Variants in ADAMTSL1 observed in about 807,000 individuals in gnomAD.
ADAMTSL1 encodes the protein ADAMTS like 1, also known as ADAMTS-like protein 1.
ADAMTSL1 carries 126 observed loss-of-function variants against 201.8 expected under a neutral mutation model. The ratio of observed to expected loss-of-function variants is 0.62; its 90% CI spans 0.54 to 0.72. The LOEUF is 0.72. ADAMTSL1 is among the 30% of genes least tolerant of loss of function. ADAMTSL1 has a pLI of 0.00. For synonymous variants in ADAMTSL1, 1,121 were observed against 903.4 expected, an observed-to-expected ratio of 1.24 and a Z score of -4.32; for missense variants, 2,679 against 2,277.8, an observed-to-expected ratio of 1.18 and a Z score of -3.59.
chr9:18,678,901 T>C (rs1252201879), intron 10 of ADAMTSL1, among the ~76,000 whole-genome samples: 1 of 152,174 alleles, frequency 6.6e-6, no homozygotes, highest in Admixed American at 6.5e-5. Context: ...TACTTCATTC[T>C]CTTGAAAGAG....
intron 16 of ADAMTSL1, 134 bp from the exon 17 acceptor site, chr9:18,770,468 C>T (rs1820625184): frequency 8.8e-6 from 8 of 908,306 alleles, no homozygotes; most frequent in South Asian, 2.0e-5. Context: ...TCCTTTGGGC[C>T]GATTCCTGGT....
intron 2 of ADAMTSL1, among the ~76,000 whole-genome samples, chr9:18,268,411 A>C (rs994563817): frequency 6.6e-6 from 1 of 152,198 alleles, no homozygotes; most frequent in Non-Finnish European, 1.5e-5. Flanking sequence ...GCTGCACAAA[A>C]ATACACATGA....
chr9:18,183,416 TA>T (rs1462235398), intron 2 of ADAMTSL1, among the ~76,000 whole-genome samples: 11 of 152,158 alleles, frequency 7.2e-5, no homozygotes, highest in African/African-American at 2.7e-4. Context: ...TTGTAAAAGA[TA>T]ATGTCAAGAT....
chr9:18,638,807 G>A (rs939220702), intron 6 of ADAMTSL1, among the ~76,000 whole-genome samples: 6 of 152,194 alleles, frequency 3.9e-5, no homozygotes, highest in Non-Finnish European at 2.9e-5. Flanking sequence ...GCTAATGCAC[G>A]AATATAAAGT....
chr9:18,527,660 A>C (rs183408568), intron 2 of ADAMTSL1, among the ~76,000 whole-genome samples: 128 of 152,308 alleles, frequency 8.4e-4, no homozygotes, highest in African/African-American at 2.9e-3. Context: ...ATGGTGTATT[A>C]TGCGTTAATG....
At position 18,579,553 on chromosome 9, in the gene ADAMTSL1, T is replaced by G. The variant is rs550887676; in HGVS notation, c.474+5287T>G. 7.2e-5 allele frequency among the ~76,000 whole-genome samples: 11 copies of G among 152,262 alleles called. No homozygotes were observed. In the East Asian group the frequency reaches 1.9e-3, roughly 27 times the overall value. On this transcript the variant is annotated intron_variant, in intron 4 of 28. Coordinates refer to ENST00000380548, the MANE Select transcript of ADAMTSL1 (RefSeq NM_001040272.6). Reference sequence around the variant, plus strand: ...TTACTATGAGCTTGATAAATACTACTTGTATTAATTGTACCCAAGTTATGT... The same window carrying G: ...TTACTATGAGCTTGATAAATACTACGTGTATTAATTGTACCCAAGTTATGT...
chr9:18,832,692 G>A (rs1467926731), intron 23 of ADAMTSL1, among the ~76,000 whole-genome samples: 1 of 152,156 alleles, frequency 6.6e-6, no homozygotes, highest in Non-Finnish European at 1.5e-5. Context: ...CTCAGGCACT[G>A]CCTTGGAATT....
chr9:18,392,766 G>GA (rs920552415), intron 2 of ADAMTSL1, among the ~76,000 whole-genome samples: 5 of 152,066 alleles, frequency 3.3e-5, no homozygotes, highest in Admixed American at 2.0e-4. Context: ...ATTCATACAA[G>GA]AAAAAAATAA....
intron 1 of ADAMTSL1, among the ~76,000 whole-genome samples, chr9:18,112,042 A>T (rs1179098381): frequency 7.2e-5 from 11 of 152,172 alleles, no homozygotes; most frequent in African/African-American, 2.7e-4. Context: ...CAGGAACCTG[A>T]TGCAGGTATT....
chr9:18,075,367 T>A (rs1321762327), intron 1 of ADAMTSL1, among the ~76,000 whole-genome samples: 1 of 152,190 alleles, frequency 6.6e-6, no homozygotes, highest in African/African-American at 2.4e-5. Flanking sequence ...AAGAGTTTTA[T>A]CTGAGCAGAA....
chr9:18,623,616 C>T (rs377602559), intron 5 of ADAMTSL1, among the ~76,000 whole-genome samples: 12 of 152,230 alleles, frequency 7.9e-5, no homozygotes, highest in Admixed American at 4.6e-4. Flanking sequence ...ATGGTACCTA[C>T]GCCAAAAATT....
intron 1 of ADAMTSL1, among the ~76,000 whole-genome samples, chr9:18,495,934 A>G (rs1057266418): frequency 6.6e-6 from 1 of 152,236 alleles, no homozygotes; most frequent in African/African-American, 2.4e-5. Flanking sequence ...ACAAATATGT[A>G]AACATTTAAA....
chr9:18,607,380 A>G (rs1825089110), intron 4 of ADAMTSL1, among the ~76,000 whole-genome samples: 1 of 152,218 alleles, frequency 6.6e-6, no homozygotes, highest in Admixed American at 6.5e-5. Context: ...TCTATCGAAT[A>G]TGGCATTTGA....
chr9:18,007,531 A>T (rs1819878004), intron 1 of ADAMTSL1, among the ~76,000 whole-genome samples: 1 of 152,014 alleles, frequency 6.6e-6, no homozygotes, highest in Non-Finnish European at 1.5e-5. Context: ...TTTCCTGAAG[A>T]TATCCAGTAT....
At chr9:18,274,652 C>A (rs184757420) in intron 2 of ADAMTSL1, among the ~76,000 whole-genome samples, 149 of 152,026 alleles carry the variant, frequency 9.8e-4, no homozygotes, top group African/African-American at 3.2e-3. Context: ...AATAAGTGCA[C>A]AAAAACAGAG....
chr9:18,664,443 A>G (rs538034940), intron 9 of ADAMTSL1, among the ~76,000 whole-genome samples: 26 of 152,224 alleles, frequency 1.7e-4, no homozygotes, highest in African/African-American at 5.5e-4. Flanking sequence ...ATGACATTCA[A>G]CCAACACTTT....
chr9:18,547,633 T>TAAAAAAAAAAAA lies in ADAMTSL1; in HGVS notation c.237+14351_237+14362dup, dbSNP rs56789652. Among the ~76,000 whole-genome samples, 61 of 86,262 alleles carry TAAAAAAAAAAAA rather than the reference T, an allele frequency of 7.1e-4. 2 individuals are homozygous for TAAAAAAAAAAAA. Among genetic ancestry groups the TAAAAAAAAAAAA allele is most frequent in the African/African-American group, 3.1e-3 (59 of 19,166 alleles). The allele number at this position is 86,262 out of a possible 152,430, so 56.6% of individuals were successfully genotyped here. ...TGTGAAGAGCGGCTGTATATATATA[T>TAAAAAAAAAAAA]AAAAAAAAAAAAAAAAAAAAAGACA... On this transcript the variant is annotated intron_variant, in intron 3 of 28. Coordinates refer to ENST00000380548, the MANE Select transcript of ADAMTSL1 (RefSeq NM_001040272.6).
chr9:18,877,355 G>C (rs1828231169), intron 23 of ADAMTSL1, among the ~76,000 whole-genome samples: 1 of 152,178 alleles, frequency 6.6e-6, no homozygotes, highest in Non-Finnish European at 1.5e-5. Flanking sequence ...CATTTGGGTA[G>C]ACTATGTCAG....
intron 1 of ADAMTSL1, among the ~76,000 whole-genome samples, chr9:18,027,828 A>G (rs1586915334): frequency 6.6e-6 from 1 of 152,078 alleles, no homozygotes; most frequent in African/African-American, 2.4e-5. Context: ...GAAGACCTCA[A>G]CTATTATTGT....
Sources: gnomAD v4.1 joint callset for allele counts (sites outside exome capture counted in the v4.1 genomes callset) on GRCh38, gnomAD v4.1.1 for gene constraint, MANE v1.5 for transcripts, NCBI Gene and HGNC (gene_info 2026-07-23, HGNC 2026-07-21) for gene names.